The following PHLPP2 variants were observed in gnomAD, a reference collection of about 807,000 sequenced individuals.
PHLPP2 encodes PH domain and leucine rich repeat protein phosphatase 2, also known as PH domain leucine-rich repeat-containing protein phosphatase 2.
In PHLPP2, 66 loss-of-function variants were observed where a neutral mutation model predicts 124.9. That is an observed-to-expected ratio of 0.53 (90% CI 0.43 to 0.65). The LOEUF is 0.65. Ranked by LOEUF, PHLPP2 falls within the 30% of genes least tolerant of loss-of-function variation. The pLI, the probability that PHLPP2 is intolerant of heterozygous loss-of-function variation, is 0.00. For synonymous variants in PHLPP2, 681 were observed against 624.7 expected (o/e 1.09, Z -1.34); for missense variants, 1,685 against 1,600.4 (o/e 1.05, Z -0.90).
chr16:71,717,228 T>A (rs971444305), intron 1 of PHLPP2, among the ~76,000 whole-genome samples: 4 of 152,234 alleles, frequency 2.6e-5, no homozygotes, highest in Non-Finnish European at 1.5e-5. Context: ...ACTATTTTTA[T>A]AATTACTAAG....
At chr16:71,684,688 G>A in intron 4 of PHLPP2, 87 bp from the exon 5 acceptor site, 1 of 1,277,168 alleles carries the variant, frequency 7.8e-7, no homozygotes, top group Non-Finnish European at 1.1e-6. Flanking sequence ...ACGAACAACT[G>A]AATTTTTAAA....
In PHLPP2 at chr16:71,702,628, C is replaced by G; in HGVS notation, c.388G>C (p.Asp130His). 6.2e-7 allele frequency: 1 copy of G among 1,611,016 alleles called. No individual in the cohort carries two copies. The highest frequency in any genetic ancestry group is 8.5e-7 in the Non-Finnish European group (1 of 1,179,150). ...VRIQEEATNP[D>H]LGCMIRFYGE... is the part of the protein sequence containing the mutation. ...TAAAATCGAATCATACAGCCGAGGT[C>G]AGGATTTGTAGCCTCCTCCTGTATG... Residue 130 changes from aspartate (D) to histidine (H), a missense_variant, in exon 3 of 19, where the codon GAC becomes CAC. Coordinates refer to ENST00000568954, the MANE Select transcript of PHLPP2 (RefSeq NM_015020.3).
intron 2 of PHLPP2, among the ~76,000 whole-genome samples, chr16:71,705,359 C>T (rs2045266014): frequency 6.6e-6 from 1 of 152,134 alleles, no homozygotes; most frequent in African/African-American, 2.4e-5. Context: ...GGCTAAATCT[C>T]GAGTGCTCAA....
intron 3 of PHLPP2, among the ~76,000 whole-genome samples, chr16:71,701,522 C>T (rs2045233364): frequency 6.6e-6 from 1 of 152,134 alleles, no homozygotes; most frequent in South Asian, 2.1e-4. Context: ...CTCTTTTAGA[C>T]TCTACTGGAA....
At chr16:71,672,970 C>A (rs1046182819) in intron 9 of PHLPP2, among the ~76,000 whole-genome samples, 4 of 152,148 alleles carry the variant, frequency 2.6e-5, no homozygotes, top group African/African-American at 9.7e-5. Context: ...GTATAATTTA[C>A]TTGTCTGGCT....
At position 71,644,967 on chromosome 16, in the gene PHLPP2, A is replaced by C; in HGVS notation, c.*3923T>G. On this transcript the variant is annotated 3_prime_UTR_variant, in exon 19 of 19. Transcript: ENST00000568954. ...AAAAAGATTCCACTTTATTTTATTT[A>C]TTATTGTTATTGTTATTTTTACAAA... 6.7e-6 allele frequency: 2 copies of C among 299,334 alleles called. No individual in the cohort carries two copies. The highest frequency in any genetic ancestry group is 1.3e-5 in the Non-Finnish European group (2 of 152,002). The allele number at this position is 299,334 out of a possible 1,614,324, so 18.5% of individuals were successfully genotyped here.
intron 9 of PHLPP2, among the ~76,000 whole-genome samples, chr16:71,674,618 A>G (rs1211730621): frequency 6.6e-6 from 1 of 152,166 alleles, no homozygotes; most frequent in African/African-American, 2.4e-5. Flanking sequence ...TACCATGCAA[A>G]GCTTTAGTAC....
At chr16:71,658,074 T>G (rs1048792309) in intron 15 of PHLPP2, among the ~76,000 whole-genome samples, 159 bp downstream of exon 15, 1 of 152,192 alleles carries the variant, frequency 6.6e-6, no homozygotes, top group Non-Finnish European at 1.5e-5. Context: ...GGATAGAACA[T>G]CTATTCATAA....
At chr16:71,652,439 G>A (rs2145304187) in intron 18 of PHLPP2, among the ~76,000 whole-genome samples, 1 of 152,336 alleles carries the variant, frequency 6.6e-6, no homozygotes, top group Middle Eastern at 3.4e-3. Flanking sequence ...ATTTCAGAAT[G>A]GGGATGTCAA....
intron 1 of PHLPP2, among the ~76,000 whole-genome samples, chr16:71,719,964 A>ATTTTTTTTTGTTTTT (rs2045387629): frequency 1.9e-5 from 1 of 53,246 alleles, no homozygotes; most frequent in Non-Finnish European, 3.1e-5. Context: ...TGCCCAGCTA[A>ATTTTTTTTTGTTTTT]TTTTTTTTTT....
intron 4 of PHLPP2, among the ~76,000 whole-genome samples, chr16:71,689,316 G>A (rs373164321): frequency 1.1e-4 from 16 of 148,574 alleles, no homozygotes; most frequent in Admixed American, 9.5e-4. Context: ...CTGGGCTCAA[G>A]CCATCCTCCT....
rs1272919334 is a variant in PHLPP2, at chr16:71,667,241, A to T, written c.1721T>A (p.Val574Glu). 2 of 1,613,816 alleles carry T rather than the reference A, an allele frequency of 1.2e-6. No homozygotes were observed. Among genetic ancestry groups the T allele is most frequent in the South Asian group, 2.2e-5 (2 of 91,042 alleles). Residue 574 changes from valine (V) to glutamate (E), a missense_variant, in exon 12 of 19, where the codon GTG becomes GAG. Coordinates refer to ENST00000568954, the MANE Select transcript of PHLPP2 (RefSeq NM_015020.3). Reference sequence around the variant, plus strand: ...GAGTGCATTATGCTGAAGATCCAGCACCTCGAGGGGGATGTGCTCTACCAG... The same window carrying T: ...GAGTGCATTATGCTGAAGATCCAGCTCCTCGAGGGGGATGTGCTCTACCAG... ...PTLVEHIPLE[V>E]LDLQHNALTR...
At chr16:71,713,233 T>C (rs754539895) in intron 2 of PHLPP2, among the ~76,000 whole-genome samples, 10 of 152,332 alleles carry the variant, frequency 6.6e-5, no homozygotes, top group Non-Finnish European at 1.0e-4. Flanking sequence ...TTTATGATTC[T>C]CTAATTTTAA....
At position 71,720,609 on chromosome 16, in the gene PHLPP2, A is replaced by T. The variant is rs113721910; in HGVS notation, c.-7+3720T>A. ...GCCGGGTGCGGTGGCTCATGCCTGT[A>T]ATCCCAGCACTTTGGCAGGCTGAGG... On this transcript the variant is annotated intron_variant, in intron 1 of 18. Transcript: ENST00000568954. Among the ~76,000 whole-genome samples the T allele has an allele frequency of 3.3e-3, 507 of 152,286 alleles. 4 individuals are homozygous for T. Among genetic ancestry groups the T allele is most frequent in the African/African-American group, 0.012 (483 of 41,562 alleles).
intron 16 of PHLPP2, among the ~76,000 whole-genome samples, chr16:71,655,788 C>G (rs2044737245): frequency 6.6e-6 from 1 of 152,082 alleles, no homozygotes; most frequent in Admixed American, 6.5e-5. Context: ...CCGCGCCTGG[C>G]CAGGAGCATT....
At chr16:71,677,410 G>A (rs897408456) in intron 8 of PHLPP2, 1 of 146,866 alleles carries the variant, frequency 6.8e-6, no homozygotes, top group Non-Finnish European at 1.5e-5. Flanking sequence ...TAGAGCTAAG[G>A]TTCAAACATA....
In PHLPP2 at chr16:71,664,019, A is replaced by G; in HGVS notation, c.1865T>C (p.Leu622Pro). The G allele has an allele frequency of 6.2e-7, 1 of 1,614,006 alleles. No individual in the cohort carries two copies. Among genetic ancestry groups the G allele is most frequent in the Non-Finnish European group, 8.5e-7 (1 of 1,179,826 alleles). Residue 622 changes from leucine to proline, a missense_variant, in exon 13 of 19, where the codon CTG becomes CCG. Leu to Pro is a moderately conservative substitution (Grantham distance 98). Transcript: ENST00000568954. ...ATTGTTGGTCAGATAAAGCAGCTGCAGCATACTCAAACTCTCCTCTCCAGT... is the reference window on the plus strand; with the variant it reads ...ATTGTTGGTCAGATAAAGCAGCTGCGGCATACTCAAACTCTCCTCTCCAGT... ...ACTGEESLSM[L>P]QLLYLTNNLL...
intron 4 of PHLPP2, 82 bp from the exon 5 acceptor site, chr16:71,684,683 C>G: frequency 2.3e-6 from 3 of 1,317,922 alleles, no homozygotes; most frequent in Non-Finnish European, 3.1e-6. Context: ...ACAAGACGAA[C>G]AACTGAATTT....
In PHLPP2 at chr16:71,649,212, A is replaced by C; in HGVS notation, c.3650T>G (p.Leu1217Arg). Reference sequence around the variant, plus strand: ...CTCCATCCTGTCCTTGCTCATTGGCAGGAGCATGCCACTATTCACACTGTT... The same window carrying C: ...CTCCATCCTGTCCTTGCTCATTGGCCGGAGCATGCCACTATTCACACTGTT... ...RQNSVNSGML[L>R]PMSKDRMELQ... Residue 1217 changes from leucine to arginine, a missense_variant, in exon 19 of 19, where the codon CTG (leucine) becomes CGG (arginine). Leu to Arg is a moderately radical substitution (Grantham distance 102). Transcript: ENST00000568954. 6.8e-6 allele frequency: 11 copies of C among 1,614,080 alleles called. No homozygotes were observed. The highest frequency in any genetic ancestry group is 9.3e-6 in the Non-Finnish European group (11 of 1,179,982).
Sources: allele counts gnomAD v4.1 joint callset (sites outside exome capture counted in the v4.1 genomes callset), GRCh38; gene constraint gnomAD v4.1.1; transcripts MANE v1.5; gene names NCBI Gene and HGNC (gene_info 2026-07-23, HGNC 2026-07-21).